Variants in PIEZO2 observed in about 807,000 individuals in gnomAD.
PIEZO2 encodes the protein piezo type mechanosensitive ion channel component 2.
In PIEZO2, 172 loss-of-function variants were observed where a neutral mutation model predicts 337.3. The ratio of observed to expected loss-of-function variants is 0.51; its 90% confidence interval spans 0.45 to 0.58. PIEZO2 has a LOEUF of 0.58. Among genes scored for constraint, PIEZO2 ranks in the 20% least tolerant of loss-of-function variants. PIEZO2 has a pLI of 0.00. For synonymous variants in PIEZO2, 1,251 were observed against 1,228.5 expected (o/e 1.02, Z -0.38); for missense variants, 3,028 against 3,391.3 (o/e 0.89, Z 2.66).
At chr18:10,761,140 A>G in intron 23 of PIEZO2, 29 bp from the exon 24 acceptor site, 1 of 1,516,482 alleles carries the variant, frequency 6.6e-7, no homozygotes, top group Non-Finnish European at 8.9e-7. Flanking sequence ...CAAATGTGTC[A>G]GCCAGAGGCT....
At position 10,784,907 on chromosome 18, in the gene PIEZO2, C is replaced by T. The variant is rs1056153075; in HGVS notation, c.2369G>A (p.Arg790His). 9 of 1,537,244 alleles carry T rather than the reference C, an allele frequency of 5.9e-6. No homozygotes were observed. The Admixed American group carries it at 1.4e-4, about 23-fold the overall frequency. Residue 790 changes from arginine (R) to histidine (H), a missense_variant, in exon 17 of 56, where the codon CGC becomes CAC. Arg to His is a conservative substitution (Grantham distance 29). Transcript: ENST00000674853. The surrounding 1 kb of genome is among the most constrained non-coding windows in gnomAD (Gnocchi z 4.5). ...CAGAAAGGAGGTTGGGATGAATATGCGAGTGAATAGTTCAGCCACAGTAAA... is the reference window on the plus strand; with the variant it reads ...CAGAAAGGAGGTTGGGATGAATATGTGAGTGAATAGTTCAGCCACAGTAAA... The part of the protein sequence containing the change: ...KQFTVAELFT[R>H]IFIPTSFLLV...
In PIEZO2 at chr18:10,855,564, T is replaced by A; in HGVS notation, c.706A>T (p.Met236Leu). Reference protein sequence around the residue: ...VVTILLGSSGMMLPSLTSSVY... With the variant: ...VVTILLGSSGLMLPSLTSSVY... ...GATGATGTCAAAGACGGCAACATCATGCCTAAGGAAGAGAAACGTAATCAC... is the reference window on the plus strand; with the variant it reads ...GATGATGTCAAAGACGGCAACATCAAGCCTAAGGAAGAGAAACGTAATCAC... The change falls in exon 7 of 56, where the codon ATG becomes TTG. Residue 236 changes from methionine to leucine, a missense_variant and splice_region_variant. Transcript: ENST00000674853. The surrounding 1 kb of genome is among the most constrained non-coding windows in gnomAD (Gnocchi z 4.9). 1 of 1,533,000 alleles carries A rather than the reference T, an allele frequency of 6.5e-7. No individual in the cohort carries two copies. Among genetic ancestry groups the A allele is most frequent in the Non-Finnish European group, 8.7e-7 (1 of 1,143,670 alleles). 95.0% of individuals were successfully genotyped at this position (1,533,000 alleles called of 1,614,324 possible).
In PIEZO2 at chr18:10,767,009, C is replaced by T. The variant is rs1243255504; in HGVS notation, c.2946+3139G>A. Among the ~76,000 whole-genome samples, 4 of 147,886 alleles carry T rather than the reference C, an allele frequency of 2.7e-5. No homozygotes were observed. Among genetic ancestry groups the T allele is most frequent in the African/African-American group, 9.9e-5 (4 of 40,306 alleles). On this transcript the variant is annotated intron_variant, in intron 21 of 55. Transcript: ENST00000674853. The surrounding 1 kb of genome is among the most constrained non-coding windows in gnomAD (Gnocchi z 4.2). ...CATTCCCTCCCCTCCCCTCCCCTCC[C>T]CTTCCCTCCCCTCCCCTTCCCTTCC...
rs189092308 is a variant in PIEZO2 at position 11,149,329 on chromosome 18, G to A, written c.-741C>T. ...GCTCGCCTTGTGGGTCCGGTGCGCG[G>A]GCGGCGCTGCGAGTCCCTCCCTCAC... On this transcript the variant is annotated 5_prime_UTR_variant, in exon 1 of 56. Transcript: ENST00000674853. The surrounding 1 kb of genome is among the most constrained non-coding windows in gnomAD (Gnocchi z 8.7). Among the ~76,000 whole-genome samples, 673 of 152,238 alleles carry A rather than the reference G, an allele frequency of 4.4e-3. 2 individuals are homozygous for A. Among genetic ancestry groups the A allele is most frequent in the Admixed American group, 0.01 (155 of 15,302 alleles).
intron 7 of PIEZO2, among the ~76,000 whole-genome samples, chr18:10,845,980 G>T (rs1274414394): frequency 6.6e-6 from 1 of 152,182 alleles, no homozygotes; most frequent in African/African-American, 2.4e-5. Context: ...TCAATAATCT[G>T]TGGATGGATT....
At chr18:10,873,222 C>A (rs1393837356) in intron 4 of PIEZO2, among the ~76,000 whole-genome samples, 1 of 152,026 alleles carries the variant, frequency 6.6e-6, no homozygotes, top group East Asian at 1.9e-4. Context: ...TAATACCTAC[C>A]ATTTTCTGAG....
Position 11,104,408 on chromosome 18 carries a change from C to A in PIEZO2, c.65-38186G>T, listed in dbSNP as rs540101756. 6.6e-6 allele frequency among the ~76,000 whole-genome samples: 1 copy of A among 152,148 alleles called. No individual in the cohort carries two copies. Among genetic ancestry groups the A allele is most frequent in the African/African-American group, 2.4e-5 (1 of 41,430 alleles). On this transcript the variant is annotated intron_variant, in intron 1 of 55. Transcript: ENST00000674853. This position sits in a 1 kb window ranked among gnomAD's most constrained non-coding sequence, Gnocchi z 4.6. ...TGTGTCTTTTGGATTTAGGAGACAC[C>A]GTGGCCTGGAGTTTTCTCCCAACTA...
Position 10,759,536 on chromosome 18 carries a change from T to C in PIEZO2, c.3703A>G (p.Lys1235Glu). ...KGASFNDNII[K>E]WLYFPDFIVR... ...ATGAAATCTGGGAAGTACAGCCACT[T>C]TATGATGTTGTCATTGAAGCTGGCA... Residue 1235 changes from lysine to glutamate, a missense_variant, in exon 26 of 56, where the codon AAG becomes GAG. Lys to Glu is a moderately conservative substitution (Grantham distance 56). Around this residue, in one of 5 missense-constraint regions of PIEZO2, gnomAD observed 1,925 missense variants for 2,051.9 expected, o/e 0.94. Coordinates refer to ENST00000674853, the MANE Select transcript of PIEZO2 (RefSeq NM_001378183.1). The surrounding 1 kb of genome is among the most constrained non-coding windows in gnomAD (Gnocchi z 5.5). 1 of 1,537,290 alleles carries C rather than the reference T, an allele frequency of 6.5e-7. No homozygotes were observed. Among genetic ancestry groups the C allele is most frequent in the Non-Finnish European group, 8.7e-7 (1 of 1,146,938 alleles).
Position 10,962,379 on chromosome 18 carries a change from C to T in PIEZO2, c.286+17156G>A, listed in dbSNP as rs1168980774. 6.6e-6 allele frequency among the ~76,000 whole-genome samples: 1 copy of T among 152,158 alleles called. No individual in the cohort carries two copies. Among genetic ancestry groups the T allele is most frequent in the Non-Finnish European group, 1.5e-5 (1 of 68,028 alleles). ...CCTCATACTCACAACTGGCATTTTCCTTCCACACTTTCTCAATTGTCCCTT... is the reference window on the plus strand; with the variant it reads ...CCTCATACTCACAACTGGCATTTTCTTTCCACACTTTCTCAATTGTCCCTT... On this transcript the variant is annotated intron_variant, in intron 3 of 55. Coordinates refer to ENST00000674853, the MANE Select transcript of PIEZO2 (RefSeq NM_001378183.1). The surrounding 1 kb of genome is among the most constrained non-coding windows in gnomAD (Gnocchi z 4.1).
chr18:10,726,614 C>A lies in PIEZO2; in HGVS notation c.5029+4793G>T. 2 of 707,382 alleles carry A rather than the reference C, an allele frequency of 2.8e-6. No homozygotes were observed. The highest frequency in any genetic ancestry group is 3.5e-6 in the Non-Finnish European group (2 of 566,032). 43.8% of individuals were successfully genotyped at this position (707,382 alleles called of 1,614,324 possible). ...GACCTGGCGCGCTACGTGCGGGACG[C>A]CGACGTGCGCTGGGAGTACTGCGCG... On this transcript the variant is annotated intron_variant, in intron 36 of 55. Coordinates refer to ENST00000674853, the MANE Select transcript of PIEZO2 (RefSeq NM_001378183.1). This position sits in a 1 kb window ranked among gnomAD's most constrained non-coding sequence, Gnocchi z 5.9.
rs183367109 is a variant in PIEZO2, at chr18:10,939,645, T to A, written c.287-28417A>T. Among the ~76,000 whole-genome samples, 921 of 152,246 alleles carry A rather than the reference T, an allele frequency of 6.0e-3. 12 individuals are homozygous for A. Among genetic ancestry groups the A allele is most frequent in the African/African-American group, 0.021 (855 of 41,540 alleles). On this transcript the variant is annotated intron_variant, in intron 3 of 55. Coordinates refer to ENST00000674853, the MANE Select transcript of PIEZO2 (RefSeq NM_001378183.1). Reference sequence around the variant, plus strand: ...ACATGGATGAAGCTGGAAGACATCATCCTCAGCAAACTAACACAGGAACAG... The same window carrying A: ...ACATGGATGAAGCTGGAAGACATCAACCTCAGCAAACTAACACAGGAACAG...
At chr18:11,058,418 G>A (rs551261601) in intron 2 of PIEZO2, among the ~76,000 whole-genome samples, 50 of 152,298 alleles carry the variant, frequency 3.3e-4, no homozygotes, top group African/African-American at 1.2e-3. Flanking sequence ...GAACAAAGCT[G>A]GACGGAGAAT....
At chr18:10,757,608 A>G (rs2037933469) in intron 27 of PIEZO2, among the ~76,000 whole-genome samples, 1 of 149,788 alleles carries the variant, frequency 6.7e-6, no homozygotes, top group Non-Finnish European at 1.5e-5. Context: ...AAGATGGGGG[A>G]TGAGGAAGAG....
intron 2 of PIEZO2, among the ~76,000 whole-genome samples, chr18:11,042,003 A>G (rs1038694049): frequency 1.3e-5 from 2 of 152,178 alleles, no homozygotes; most frequent in African/African-American, 2.4e-5. Flanking sequence ...AGCGTCTTCT[A>G]TCCATCATTT....
chr18:10,744,185 T>C lies in PIEZO2; in HGVS notation c.4471A>G (p.Arg1491Gly). ...ATGGACTTCTTCTCTTCCTCAATTC[T>C]TGCCTTTACAGCTTTTACAATTGTG... ...QATIVKAVKA[R>G]IEEEKKSMDQ... Residue 1491 changes from arginine to glycine, a missense_variant, in exon 31 of 56, where the codon AGA becomes GGA. Physicochemically the swap from Arg to Gly is moderately radical, Grantham distance 125. Coordinates refer to ENST00000674853, the MANE Select transcript of PIEZO2 (RefSeq NM_001378183.1). The C allele has an allele frequency of 6.5e-7, 1 of 1,537,064 alleles. No homozygotes were observed. Among genetic ancestry groups the C allele is most frequent in the Non-Finnish European group, 8.7e-7 (1 of 1,146,734 alleles).
chr18:10,892,017 G>T (rs963758197), intron 4 of PIEZO2, among the ~76,000 whole-genome samples: 4 of 152,108 alleles, frequency 2.6e-5, no homozygotes, highest in African/African-American at 9.7e-5. Flanking sequence ...AGGATTGATA[G>T]GCAGTCAGAC....
intron 3 of PIEZO2, among the ~76,000 whole-genome samples, chr18:10,959,985 C>A (rs181664196): frequency 2.6e-5 from 4 of 152,112 alleles, no homozygotes; most frequent in Non-Finnish European, 5.9e-5. Context: ...TGTCAGGGAA[C>A]CTTAAATTTA....
chr18:10,730,429 G>C (rs531591206), intron 36 of PIEZO2, among the ~76,000 whole-genome samples: 2 of 152,292 alleles, frequency 1.3e-5, no homozygotes, highest in East Asian at 3.9e-4. Context: ...TGATTGAATT[G>C]AATTTTTCTT....
intron 2 of PIEZO2, among the ~76,000 whole-genome samples, chr18:10,984,302 C>G (rs577183243): frequency 6.6e-6 from 1 of 152,100 alleles, no homozygotes; most frequent in Admixed American, 6.5e-5. Flanking sequence ...CATCTTAAAG[C>G]TCAGTGAGCT....
Sources: gnomAD v4.1 joint callset for allele counts (sites outside exome capture counted in the v4.1 genomes callset) on GRCh38, gnomAD v4.1.1 for gene constraint, gnomAD v4.1.1 regional missense constraint, Gnocchi (gnomAD v3.1) non-coding constraint, MANE v1.5 for transcripts, NCBI Gene and HGNC (gene_info 2026-07-23, HGNC 2026-07-21) for gene names.